VDAC1: variants seen among roughly 807,000 people sequenced by gnomAD.
VDAC1 encodes the protein voltage dependent anion channel 1.
Under a neutral mutation model 34.7 loss-of-function variants are expected in VDAC1, and 10 were observed. That is an observed-to-expected ratio of 0.29 (90% CI 0.18 to 0.49). The LOEUF (loss-of-function observed/expected upper bound fraction) is 0.49, where lower values mean the gene tolerates loss of function less well. VDAC1 is among the 20% of genes least tolerant of loss of function. The pLI, the probability that VDAC1 is intolerant of heterozygous loss-of-function variation, is 0.99. For synonymous variants in VDAC1, 130 were observed against 136.0 expected (o/e 0.96, Z 0.30); for missense variants, 230 against 347.9 (o/e 0.66, Z 2.69).
At chr5:134,098,823 AAAGTGCAAAAGGT>A in the VDAC1 span, among the ~76,000 whole-genome samples, 40 of 152,244 alleles carry the variant, frequency 2.6e-4, no homozygotes, top group Admixed American at 2.4e-3. Flanking sequence ...GGGAGGGAGC[AAAGTGCAAAAGGT>A]CCAAGTTCTA....
At position 133,975,864 on chromosome 5, in the gene VDAC1, T is replaced by C; in HGVS notation, c.702+7A>G. 1.2e-6 allele frequency: 2 copies of C among 1,609,472 alleles called. No individual in the cohort carries two copies. The highest frequency in any genetic ancestry group is 1.7e-6 in the Non-Finnish European group (2 of 1,178,984). On this transcript the variant is annotated splice_region_variant and intron_variant, in intron 7 of 8. Transcript: ENST00000265333. Reference sequence around the variant, plus strand: ...CCTGTGAGATGCGTGATTCCACAGATACCCACCGAGAAGCAGGCGTCAGGG... The same window carrying C: ...CCTGTGAGATGCGTGATTCCACAGACACCCACCGAGAAGCAGGCGTCAGGG...
At chr5:133,984,527 T>G (rs1322247576) in intron 5 of VDAC1, among the ~76,000 whole-genome samples, 5 of 151,764 alleles carry the variant, frequency 3.3e-5, no homozygotes, top group Non-Finnish European at 7.4e-5. Flanking sequence ...TCAAGCAATC[T>G]GCCTGCCTCA....
In VDAC1 at chr5:133,972,877, AT is replaced by A; in HGVS notation, c.761-16del. ...CAGTTTAATACCTGCAGGGAGAAAA[AT>A]GAGGGAGAGGAAAGGAGGAGGAATG... On this transcript the variant is annotated splice_polypyrimidine_tract_variant and intron_variant, in intron 8 of 8. Coordinates refer to ENST00000265333, the MANE Select transcript of VDAC1 (RefSeq NM_003374.3). The A allele has an allele frequency of 6.2e-7, 1 of 1,602,474 alleles. No homozygotes were observed. Among genetic ancestry groups the A allele is most frequent in the Non-Finnish European group, 8.5e-7 (1 of 1,171,046 alleles).
At chr5:134,055,298 G>A in the VDAC1 span, among the ~76,000 whole-genome samples, 2 of 152,308 alleles carry the variant, frequency 1.3e-5, no homozygotes, top group South Asian at 2.1e-4. Flanking sequence ...TCTGAGGAAG[G>A]GGGGCATGGG....
the VDAC1 span, among the ~76,000 whole-genome samples, chr5:134,019,348 G>A: frequency 6.6e-6 from 1 of 152,100 alleles, no homozygotes; most frequent in Non-Finnish European, 1.5e-5. Flanking sequence ...GAGTCTAAGG[G>A]AGGCGGATTG....
intron 6 of VDAC1, among the ~76,000 whole-genome samples, chr5:133,978,961 G>A (rs534840157): frequency 1.4e-4 from 22 of 152,168 alleles, no homozygotes; most frequent in South Asian, 8.3e-4. Context: ...TGCAGAGATC[G>A]TGCCACTGAA....
the VDAC1 span, among the ~76,000 whole-genome samples, chr5:134,108,410 G>A: frequency 6.6e-6 from 1 of 152,184 alleles, no homozygotes; most frequent in Non-Finnish European, 1.5e-5. Context: ...TTGGGCAGGC[G>A]GGAGGCCTGG....
At chr5:133,981,452 A>C (rs949917562) in intron 5 of VDAC1, among the ~76,000 whole-genome samples, 6 of 152,212 alleles carry the variant, frequency 3.9e-5, no homozygotes, top group Admixed American at 3.3e-4. Context: ...TGTTCCCTCT[A>C]AGTGAGTACA....
the VDAC1 span, among the ~76,000 whole-genome samples, chr5:134,110,311 AG>A: frequency 6.6e-6 from 1 of 152,324 alleles, no homozygotes; most frequent in African/African-American, 2.4e-5. Flanking sequence ...ATGGAGCAGG[AG>A]GGGAGAACCC....
chr5:134,109,104 T>C, the VDAC1 span, among the ~76,000 whole-genome samples: 9 of 145,462 alleles, frequency 6.2e-5, no homozygotes, highest in African/African-American at 2.0e-4. Context: ...ACTTCCTGGA[T>C]TCTAAGTGAT....
the VDAC1 span, among the ~76,000 whole-genome samples, chr5:134,056,188 C>G: frequency 6.8e-6 from 1 of 147,336 alleles, no homozygotes; most frequent in Non-Finnish European, 1.5e-5. Flanking sequence ...TTGCAGTGAG[C>G]CGATATAGCA....
the VDAC1 span, among the ~76,000 whole-genome samples, chr5:134,111,304 T>C: frequency 6.6e-6 from 1 of 152,166 alleles, no homozygotes; most frequent in South Asian, 2.1e-4. Context: ...TGCAAGCTCA[T>C]TTGCGTGAAG....
At chr5:134,043,513 T>C in the VDAC1 span, among the ~76,000 whole-genome samples, 2 of 151,666 alleles carry the variant, frequency 1.3e-5, no homozygotes, top group East Asian at 2.0e-4. Flanking sequence ...TAGGATGGGC[T>C]GGGTAGACTT....
the VDAC1 span, among the ~76,000 whole-genome samples, chr5:134,053,471 C>T: frequency 3.9e-5 from 6 of 152,238 alleles, no homozygotes; most frequent in Non-Finnish European, 7.3e-5. Flanking sequence ...TGAGCCGTGC[C>T]AGGGGCAGGC....
chr5:134,008,052 A>G (rs1337929801), upstream of VDAC1, among the ~76,000 whole-genome samples: 7 of 152,154 alleles, frequency 4.6e-5, no homozygotes, highest in Non-Finnish European at 5.9e-5. Context: ...CCTGACTCCA[A>G]AGCCTTCCTG....
chr5:134,025,946 G>T, the VDAC1 span, among the ~76,000 whole-genome samples: 1 of 152,166 alleles, frequency 6.6e-6, no homozygotes. Context: ...AAAGATGTGA[G>T]TTTGGATTGC....
chr5:134,085,016 T>C, the VDAC1 span, among the ~76,000 whole-genome samples: 1 of 152,062 alleles, frequency 6.6e-6, no homozygotes, highest in Non-Finnish European at 1.5e-5. Context: ...CTGGGGTCCT[T>C]GGGCACAAGA....
chr5:134,006,794 ATGGCCTCT>A (rs1753762969), upstream of VDAC1, among the ~76,000 whole-genome samples: 2 of 140,226 alleles, frequency 1.4e-5, no homozygotes, highest in Non-Finnish European at 3.1e-5. Flanking sequence ...AGAGTTCTTC[ATGGCCTCT>A]GCTACCCTGG....
upstream of VDAC1, among the ~76,000 whole-genome samples, chr5:134,006,623 G>A (rs1211312975): frequency 1.3e-5 from 2 of 150,702 alleles, no homozygotes; most frequent in African/African-American, 4.9e-5. Flanking sequence ...CGCGCCTGTA[G>A]TCCCAGCTAC....
Sources: gnomAD v4.1 joint callset for allele counts (sites outside exome capture counted in the v4.1 genomes callset) on GRCh38, gnomAD v4.1.1 for gene constraint, MANE v1.5 for transcripts, NCBI Gene and HGNC (gene_info 2026-07-23, HGNC 2026-07-21) for gene names.